The following NAT10 variants were observed in gnomAD, a reference collection of about 807,000 sequenced individuals.
NAT10 encodes the protein RNA cytidine acetyltransferase.
In NAT10, 109 loss-of-function variants were observed where a neutral mutation model predicts 132.2. The ratio of observed to expected loss-of-function variants is 0.82; its 90% confidence interval spans 0.71 to 0.97. The LOEUF is 0.97. NAT10 is among the 50% of genes least tolerant of loss of function. The pLI is 0.00. For missense variants in NAT10, 1,184 were observed against 1,263.4 expected (o/e 0.94, Z 0.95); for synonymous variants, 479 against 478.0 (o/e 1.00, Z -0.03).
At chr11:34,124,140 G>A (rs1017135848) in intron 10 of NAT10, among the ~76,000 whole-genome samples, 162 bp from the exon 11 acceptor site, 1 of 152,118 alleles carries the variant, frequency 6.6e-6, no homozygotes, top group Non-Finnish European at 1.5e-5. Flanking sequence ...CTGCACTCCA[G>A]CCTGGGCTCG....
intron 6 of NAT10, 116 bp downstream of exon 6, chr11:34,116,000 A>C: frequency 1.1e-6 from 1 of 900,800 alleles, no homozygotes; most frequent in Non-Finnish European, 1.7e-6. Flanking sequence ...ATATTCCAAA[A>C]ATGATGAGAT....
chr11:34,145,816 C>T (rs916453974), intron 28 of NAT10, among the ~76,000 whole-genome samples: 26 of 152,138 alleles, frequency 1.7e-4, no homozygotes, highest in African/African-American at 5.8e-4. Context: ...GAGGAGAACC[C>T]GGATTTCAGG....
chr11:34,131,499 C>T lies in NAT10; in HGVS notation c.1488C>T (p.Val496=), dbSNP rs201508161. The part of the protein sequence containing the change: ...CLDCLNITRI[V]SGCPLPEACE... ...ATTGCCTCAACATCACTCGGATAGT[C>T]TCAGGCTGCCCCTTGCCTGAAGCTT... The change falls in exon 14 of 29, where the codon GTC becomes GTT. Residue 496 remains valine, a synonymous_variant. Coordinates refer to ENST00000257829, the MANE Select transcript of NAT10 (RefSeq NM_024662.3). 82 of 1,613,898 alleles carry T rather than the reference C, an allele frequency of 5.1e-5. 1 individual carries two copies. The highest frequency in any genetic ancestry group is 4.2e-4 in the Admixed American group (25 of 59,988).
intron 21 of NAT10, 28 bp downstream of exon 21, chr11:34,137,054 G>A (rs773933213): frequency 6.2e-7 from 1 of 1,613,746 alleles, no homozygotes; most frequent in Admixed American, 1.7e-5. Context: ...CAGAGGAGAA[G>A]TTTAGGTTTA....
chr11:34,108,400 C>T, intron 2 of NAT10, 67 bp downstream of exon 2: 1 of 1,304,232 alleles, frequency 7.7e-7, no homozygotes, highest in East Asian at 2.3e-5. Flanking sequence ...TGTTTAAGCA[C>T]TCTGCTGTTT....
chr11:34,129,420 G>A (rs934108832), intron 12 of NAT10, among the ~76,000 whole-genome samples: 2 of 152,128 alleles, frequency 1.3e-5, no homozygotes, highest in East Asian at 1.9e-4. Context: ...GGCCACTCAC[G>A]TATGTTCTTT....
At chr11:34,141,646 G>A (rs1852333581) in intron 25 of NAT10, 73 bp from the exon 26 acceptor site, 1 of 1,338,450 alleles carries the variant, frequency 7.5e-7, no homozygotes, top group African/African-American at 1.4e-5. Flanking sequence ...AAGACACCAA[G>A]TGTCTGGGTC....
intron 6 of NAT10, among the ~76,000 whole-genome samples, chr11:34,117,316 C>T (rs1194171320): frequency 6.6e-6 from 1 of 152,130 alleles, no homozygotes; most frequent in Non-Finnish European, 1.5e-5. Context: ...CATTTGGCCC[C>T]CTGGGGACAT....
At chr11:34,138,904 C>T (rs1484566248) in intron 21 of NAT10, 10 of 382,504 alleles carry the variant, frequency 2.6e-5, no homozygotes, top group Non-Finnish European at 4.4e-5. Flanking sequence ...CCGCACGTCC[C>T]GAGCAAGAGG....
chr11:34,145,471 G>GT (rs1254559259), intron 28 of NAT10, among the ~76,000 whole-genome samples: 3 of 152,188 alleles, frequency 2.0e-5, no homozygotes, highest in African/African-American at 7.2e-5. Flanking sequence ...AATTTAACCT[G>GT]TAAGTTTCTT....
At chr11:34,144,794 G>C (rs1852407358) in intron 28 of NAT10, among the ~76,000 whole-genome samples, 1 of 152,204 alleles carries the variant, frequency 6.6e-6, no homozygotes, top group Non-Finnish European at 1.5e-5. Context: ...TTTCACAGCT[G>C]ATTTGGGGGT....
intron 28 of NAT10, among the ~76,000 whole-genome samples, chr11:34,145,084 GC>G (rs1324822895): frequency 6.6e-6 from 1 of 152,202 alleles, no homozygotes; most frequent in Non-Finnish European, 1.5e-5. Flanking sequence ...GTAGCACAGG[GC>G]CCATGATGGC....
chr11:34,139,552 G>A, intron 23 of NAT10, 57 bp downstream of exon 23: 5 of 1,472,624 alleles, frequency 3.4e-6, no homozygotes, highest in Admixed American at 1.7e-5. Context: ...TGTGGGAGGT[G>A]GGTGTGGTGT....
At chr11:34,145,755 G>A (rs1852428681) in intron 28 of NAT10, among the ~76,000 whole-genome samples, 1 of 152,140 alleles carries the variant, frequency 6.6e-6, no homozygotes, top group African/African-American at 2.4e-5. Flanking sequence ...GGGAATCCTT[G>A]TGGTGCCTTA....
chr11:34,131,049 G>C, intron 13 of NAT10, 112 bp downstream of exon 13: 1 of 1,489,960 alleles, frequency 6.7e-7, no homozygotes, highest in Non-Finnish European at 9.1e-7. Flanking sequence ...CCACCATCAG[G>C]CTGAGAGGTT....
chr11:34,117,224 T>G (rs183279686), intron 6 of NAT10, among the ~76,000 whole-genome samples: 1,890 of 148,146 alleles, frequency 0.013, 20 homozygotes, highest in South Asian at 0.029. Context: ...TTTATTTTTT[T>G]GAGGGGTGTG....
At chr11:34,119,777 T>C (rs1373190101) in intron 8 of NAT10, among the ~76,000 whole-genome samples, 2 of 152,244 alleles carry the variant, frequency 1.3e-5, no homozygotes, top group Non-Finnish European at 2.9e-5. Context: ...TGGTCCCCTG[T>C]TAGACATTTC....
rs1034194940 is a variant in NAT10 at position 34,136,920 on chromosome 11, C to CT, written c.2163-57dup. 24 of 1,611,790 alleles carry CT rather than the reference C, an allele frequency of 1.5e-5. No individual in the cohort carries two copies. In the African/African-American group the frequency reaches 2.3e-4, roughly 15 times the overall value. On this transcript the variant is annotated intron_variant, in intron 20 of 28. Coordinates refer to ENST00000257829, the MANE Select transcript of NAT10 (RefSeq NM_024662.3). ...CTTCCTGGCTCTTGCCCTTGTGTGT[C>CT]TATCAGCCACTCCCCAGAGGCCACA... is the stretch of plus-strand genomic sequence containing the variant.
At chr11:34,118,640 G>A in intron 8 of NAT10, 137 bp downstream of exon 8, 2 of 635,452 alleles carry the variant, frequency 3.1e-6, no homozygotes, top group Non-Finnish European at 5.4e-6. Context: ...TCATACTCGT[G>A]TGTGCTCAGC....
Sources: gnomAD v4.1 joint callset for allele counts (sites outside exome capture counted in the v4.1 genomes callset) on GRCh38, gnomAD v4.1.1 for gene constraint, MANE v1.5 for transcripts, NCBI Gene and HGNC (gene_info 2026-07-23, HGNC 2026-07-21) for gene names.